Variants in MICU1 observed in about 807,000 individuals in gnomAD.
MICU1 encodes the protein mitochondrial calcium uptake 1.
Under a neutral mutation model 56.8 loss-of-function variants are expected in MICU1, and 45 were observed. The ratio of observed to expected loss-of-function variants is 0.79; its 90% CI spans 0.62 to 1.02. The LOEUF is 1.02. MICU1 is among the 50% of genes least tolerant of loss of function. The pLI is 0.00. For synonymous variants in MICU1, 186 were observed against 195.1 expected (o/e 0.95, Z 0.39); for missense variants, 504 against 587.1 (o/e 0.86, Z 1.46).
At chr10:72,449,975 C>T (rs1241646061) in intron 8 of MICU1, among the ~76,000 whole-genome samples, 1 of 152,030 alleles carries the variant, frequency 6.6e-6, no homozygotes, top group Admixed American at 6.6e-5. Flanking sequence ...CTTTGCCAGG[C>T]TTTCGTCCAC....
chr10:72,586,426 G>C (rs1841061723), intron 1 of MICU1, among the ~76,000 whole-genome samples: 2 of 152,044 alleles, frequency 1.3e-5, no homozygotes. Flanking sequence ...CAAGGCGGGT[G>C]GATCACCTCA....
At chr10:72,381,963 T>TAC (rs10535513) in intron 10 of MICU1, among the ~76,000 whole-genome samples, 11,472 of 138,276 alleles carry the variant, frequency 0.083, 454 homozygotes, top group Middle Eastern at 0.1. Context: ...TATATATCTA[T>TAC]ACACACACAC....
At chr10:72,517,796 TA>T (rs201124123) in intron 5 of MICU1, among the ~76,000 whole-genome samples, 1 of 142,246 alleles carries the variant, frequency 7.0e-6, no homozygotes. Context: ...TTTTTTTTTT[TA>T]AAGAAAATGT....
intron 6 of MICU1, among the ~76,000 whole-genome samples, chr10:72,492,917 G>A (rs1353084948): frequency 6.6e-6 from 1 of 151,948 alleles, no homozygotes; most frequent in African/African-American, 2.4e-5. Flanking sequence ...AGGAGTTCAA[G>A]ACCAGTCTGG....
chr10:72,432,604 A>T (rs1387002478), intron 8 of MICU1, among the ~76,000 whole-genome samples: 3 of 152,196 alleles, frequency 2.0e-5, no homozygotes, highest in Admixed American at 1.3e-4. Flanking sequence ...TGGAAGTTGA[A>T]GTGGGAGCAG....
intron 5 of MICU1, among the ~76,000 whole-genome samples, 196 bp downstream of exon 5, chr10:72,533,550 C>A (rs1839546977): frequency 6.6e-6 from 1 of 152,124 alleles, no homozygotes. Context: ...ATGAGAGTTA[C>A]CTTACATGGA....
chr10:72,386,024 T>C (rs1025467174), intron 10 of MICU1, among the ~76,000 whole-genome samples: 1 of 152,106 alleles, frequency 6.6e-6, no homozygotes, highest in Non-Finnish European at 1.5e-5. Flanking sequence ...AGGAAAGAAC[T>C]TTGAAGAGGA....
chr10:72,542,064 AT>A (rs1287768051), intron 4 of MICU1, among the ~76,000 whole-genome samples: 4 of 152,312 alleles, frequency 2.6e-5, no homozygotes, highest in South Asian at 4.1e-4. Flanking sequence ...AAATATAATC[AT>A]CCCCTAGGGA....
intron 6 of MICU1, among the ~76,000 whole-genome samples, chr10:72,490,287 A>C (rs1280010561): frequency 6.6e-6 from 1 of 152,212 alleles, no homozygotes; most frequent in Non-Finnish European, 1.5e-5. Flanking sequence ...TGTAGGTGAA[A>C]GAACCAAGGG....
chr10:72,521,407 T>A (rs542479921), intron 5 of MICU1, among the ~76,000 whole-genome samples: 2 of 152,210 alleles, frequency 1.3e-5, no homozygotes, highest in East Asian at 3.9e-4. Context: ...AACTTAAGCA[T>A]TATACTTCGC....
chr10:72,397,038 T>C (rs551730929), intron 10 of MICU1, among the ~76,000 whole-genome samples: 19 of 152,044 alleles, frequency 1.2e-4, no homozygotes, highest in Middle Eastern at 3.4e-3. Flanking sequence ...GAGAGAAAGG[T>C]CGAGTTACCC....
At chr10:72,562,737 C>G (rs1008837797) in intron 3 of MICU1, 158 bp downstream of exon 3, 1 of 574,052 alleles carries the variant, frequency 1.7e-6, no homozygotes, top group Non-Finnish European at 2.7e-6. Context: ...CCTCACATTC[C>G]AAGAGTACTT....
intron 5 of MICU1, among the ~76,000 whole-genome samples, chr10:72,518,652 C>T (rs1158263528): frequency 6.6e-6 from 1 of 152,116 alleles, no homozygotes; most frequent in Non-Finnish European, 1.5e-5. Context: ...CTTCAGTATA[C>T]ATGCTGAAAA....
intron 10 of MICU1, among the ~76,000 whole-genome samples, chr10:72,384,848 A>G (rs1215081498): frequency 1.3e-5 from 2 of 152,204 alleles, no homozygotes; most frequent in African/African-American, 4.8e-5. Context: ...AAATGTTTTT[A>G]CCAAATGTAA....
intron 1 of MICU1, among the ~76,000 whole-genome samples, chr10:72,614,049 C>T (rs939700733): frequency 1.3e-5 from 2 of 152,038 alleles, no homozygotes; most frequent in African/African-American, 4.8e-5. Context: ...GAGGCTGAGG[C>T]AGAAGAATTG....
intron 8 of MICU1, among the ~76,000 whole-genome samples, chr10:72,465,352 G>T (rs1589248133): frequency 1.6e-5 from 2 of 127,942 alleles, no homozygotes; most frequent in Admixed American, 8.8e-5. Context: ...ACATATACTT[G>T]GCTCACTGAA....
intron 4 of MICU1, 25 bp downstream of exon 4, chr10:72,551,154 C>A: frequency 6.3e-7 from 1 of 1,580,406 alleles, no homozygotes; most frequent in Non-Finnish European, 8.6e-7. Flanking sequence ...ATATCACAGT[C>A]TTATATTTCA....
intron 10 of MICU1, chr10:72,379,513 G>C (rs756377913): frequency 1.0e-5 from 4 of 388,722 alleles, no homozygotes; most frequent in South Asian, 7.5e-5. Flanking sequence ...CATTCTCTCA[G>C]GGCACAGCCT....
chr10:72,521,088 T>C (rs1867805998), intron 5 of MICU1, among the ~76,000 whole-genome samples: 1 of 152,124 alleles, frequency 6.6e-6, no homozygotes, highest in Non-Finnish European at 1.5e-5. Flanking sequence ...TTATAAAAAG[T>C]TTCTCTATCA....
Sources: gnomAD v4.1 joint callset for allele counts (sites outside exome capture counted in the v4.1 genomes callset) on GRCh38, gnomAD v4.1.1 for gene constraint, MANE v1.5 for transcripts, NCBI Gene and HGNC (gene_info 2026-07-23, HGNC 2026-07-21) for gene names.